PPP3CA: variants seen among roughly 807,000 people sequenced by gnomAD.
PPP3CA encodes the protein CAM-PRP catalytic subunit.
Under a neutral mutation model 66.5 loss-of-function variants are expected in PPP3CA, and 14 were observed. That is an observed-to-expected ratio of 0.21 (90% CI 0.14 to 0.33). The LOEUF (loss-of-function observed/expected upper bound fraction) is 0.33. Ranked by LOEUF, PPP3CA falls within the 10% of genes least tolerant of loss-of-function variation. The pLI is 1.00. For missense variants in PPP3CA, 317 were observed against 639.5 expected (o/e 0.50, Z 5.44); for synonymous variants, 232 against 226.2 (o/e 1.03, Z -0.23).
chr4:101,294,110 G>A (rs2110292114), intron 1 of PPP3CA, among the ~76,000 whole-genome samples: 1 of 152,354 alleles, frequency 6.6e-6, no homozygotes, highest in East Asian at 1.9e-4. Flanking sequence ...AAGCCTTCAT[G>A]TAATACAGAT....
chr4:101,078,692 CA>C (rs562186418), intron 8 of PPP3CA, among the ~76,000 whole-genome samples: 350 of 152,226 alleles, frequency 2.3e-3, no homozygotes, highest in South Asian at 0.016. Context: ...ATGATTAACT[CA>C]TAGGTTCTTC....
chr4:101,322,367 G>C (rs1408247082), intron 1 of PPP3CA, among the ~76,000 whole-genome samples: 1 of 150,478 alleles, frequency 6.6e-6, no homozygotes, highest in Non-Finnish European at 1.5e-5. Context: ...AACACAGCTA[G>C]AAAGTAGGCT....
At chr4:101,136,648 C>T (rs1268056651) in intron 2 of PPP3CA, among the ~76,000 whole-genome samples, 1 of 151,570 alleles carries the variant, frequency 6.6e-6, no homozygotes, top group Non-Finnish European at 1.5e-5. Context: ...ATGTGCTCTT[C>T]TGCTTGTATG....
At chr4:101,110,113 T>C (rs1721620716) in intron 2 of PPP3CA, among the ~76,000 whole-genome samples, 1 of 152,128 alleles carries the variant, frequency 6.6e-6, no homozygotes, top group Admixed American at 6.6e-5. Context: ...TGTGTATATA[T>C]ATTGTGTAAT....
chr4:101,138,790 A>G (rs998344042), intron 2 of PPP3CA, among the ~76,000 whole-genome samples: 1 of 152,198 alleles, frequency 6.6e-6, no homozygotes, highest in South Asian at 2.1e-4. Context: ...AGTATTTTAC[A>G]TATGGTTACA....
chr4:101,068,602 T>C (rs1301970457), intron 8 of PPP3CA, among the ~76,000 whole-genome samples: 1 of 152,162 alleles, frequency 6.6e-6, no homozygotes, highest in Non-Finnish European at 1.5e-5. Flanking sequence ...TATTCACATA[T>C]ATGCATACTT....
chr4:101,176,973 T>C (rs1410597760), intron 2 of PPP3CA, among the ~76,000 whole-genome samples: 2 of 152,172 alleles, frequency 1.3e-5, no homozygotes, highest in Non-Finnish European at 2.9e-5. Flanking sequence ...ATTATTCATA[T>C]GAGAAGAATA....
chr4:101,298,914 G>A (rs897444586), intron 1 of PPP3CA, among the ~76,000 whole-genome samples: 3 of 150,430 alleles, frequency 2.0e-5, no homozygotes, highest in Non-Finnish European at 4.4e-5. Flanking sequence ...TTTATGATGG[G>A]GATATGCTCT....
At chr4:101,336,554 CAG>C (rs1729639880) in intron 1 of PPP3CA, among the ~76,000 whole-genome samples, 1 of 123,708 alleles carries the variant, frequency 8.1e-6, no homozygotes, top group South Asian at 2.5e-4. Flanking sequence ...GCCTGGGCAA[CAG>C]AGTGAAACTG....
intron 1 of PPP3CA, among the ~76,000 whole-genome samples, chr4:101,231,775 T>C (rs1413101839): frequency 6.6e-6 from 1 of 151,806 alleles, no homozygotes; most frequent in Non-Finnish European, 1.5e-5. Flanking sequence ...ATCTCACTTA[T>C]TCTGATTGTT....
intron 8 of PPP3CA, among the ~76,000 whole-genome samples, chr4:101,076,885 G>A (rs1729219888): frequency 6.6e-6 from 1 of 152,188 alleles, no homozygotes; most frequent in South Asian, 2.1e-4. Flanking sequence ...ATTTCATGCA[G>A]TATTCACAAA....
chr4:101,157,877 A>C (rs1356350489), intron 2 of PPP3CA, among the ~76,000 whole-genome samples: 4 of 151,464 alleles, frequency 2.6e-5, no homozygotes, highest in Non-Finnish European at 5.9e-5. Flanking sequence ...AAAAAAAAAA[A>C]AAAAAAAAAA....
chr4:101,088,584 CAAAA>C (rs1174497803), intron 6 of PPP3CA, among the ~76,000 whole-genome samples: 9 of 35,752 alleles, frequency 2.5e-4, no homozygotes, highest in Non-Finnish European at 4.6e-4. Context: ...GACTCCATCT[CAAAA>C]AAAAAAAAAA....
At chr4:101,109,154 A>G (rs1454782452) in intron 2 of PPP3CA, 76 bp from the exon 3 acceptor site, 1 of 1,429,016 alleles carries the variant, frequency 7.0e-7, no homozygotes, top group East Asian at 2.5e-5. Flanking sequence ...ACAAAATTTT[A>G]GAACCAGAAT....
At chr4:101,155,979 T>C (rs920886056) in intron 2 of PPP3CA, among the ~76,000 whole-genome samples, 1 of 152,156 alleles carries the variant, frequency 6.6e-6, no homozygotes, top group Non-Finnish European at 1.5e-5. Context: ...CCCTACAAGG[T>C]AGACAGGGAC....
intron 2 of PPP3CA, among the ~76,000 whole-genome samples, chr4:101,125,554 G>GA (rs1321455293): frequency 6.6e-6 from 1 of 152,128 alleles, no homozygotes; most frequent in African/African-American, 2.4e-5. Flanking sequence ...CCTACTGGTA[G>GA]GAGGAAGGCT....
At chr4:101,234,889 G>A (rs1726077296) in intron 1 of PPP3CA, among the ~76,000 whole-genome samples, 2 of 151,774 alleles carry the variant, frequency 1.3e-5, no homozygotes, top group South Asian at 2.1e-4. Flanking sequence ...ACTAATAAGA[G>A]TCTGAATATT....
chr4:101,142,990 T>C (rs1388954208), intron 2 of PPP3CA, among the ~76,000 whole-genome samples: 1 of 152,312 alleles, frequency 6.6e-6, no homozygotes, highest in African/African-American at 2.4e-5. Context: ...CTTTTTGCCA[T>C]GTCTCTGGTC....
intron 2 of PPP3CA, among the ~76,000 whole-genome samples, chr4:101,113,572 T>C (rs1721746447): frequency 6.6e-6 from 1 of 152,146 alleles, no homozygotes; most frequent in African/African-American, 2.4e-5. Context: ...TTTGGGTATT[T>C]CATTGTATTT....
Sources: gnomAD v4.1 joint callset for allele counts (sites outside exome capture counted in the v4.1 genomes callset) on GRCh38, gnomAD v4.1.1 for gene constraint, MANE v1.5 for transcripts, NCBI Gene and HGNC (gene_info 2026-07-23, HGNC 2026-07-21) for gene names.